Variants in SGCZ observed in about 807,000 individuals in gnomAD.
SGCZ encodes sarcoglycan zeta.
A neutral mutation model predicts 41.3 loss-of-function variants in SGCZ; 40 were observed. That is an observed-to-expected ratio of 0.97 (90% CI 0.75 to 1.26). The LOEUF is 1.26. SGCZ is among the 50% of genes most tolerant of loss of function. The pLI is 0.00. For synonymous variants in SGCZ, 206 were observed against 137.5 expected, an observed-to-expected ratio of 1.50 and a Z score of -3.49; for missense variants, 552 against 369.8, an observed-to-expected ratio of 1.49 and a Z score of -4.04.
intron 1 of SGCZ, among the ~76,000 whole-genome samples, chr8:15,128,372 C>T (rs1047013471): frequency 6.6e-6 from 1 of 152,232 alleles, no homozygotes; most frequent in Non-Finnish European, 1.5e-5. Flanking sequence ...GGAATGAAGT[C>T]TTGTCTCTGA....
intron 2 of SGCZ, among the ~76,000 whole-genome samples, chr8:14,524,353 G>T (rs1383469811): frequency 6.6e-6 from 1 of 151,910 alleles, no homozygotes; most frequent in Non-Finnish European, 1.5e-5. Context: ...CCTGGATTCG[G>T]GTGGGGGAAT....
At chr8:15,155,695 G>C (rs749008597) in intron 1 of SGCZ, among the ~76,000 whole-genome samples, 3 of 152,150 alleles carry the variant, frequency 2.0e-5, no homozygotes, top group Non-Finnish European at 2.9e-5. Flanking sequence ...TGATATAATT[G>C]ATCACCATGC....
chr8:14,805,627 A>G (rs1225712749), intron 1 of SGCZ, among the ~76,000 whole-genome samples: 1 of 145,892 alleles, frequency 6.9e-6, no homozygotes, highest in Non-Finnish European at 1.5e-5. Flanking sequence ...ACACATTAAT[A>G]ATGGGAGACT....
At chr8:14,639,016 T>C (rs1444796646) in intron 1 of SGCZ, among the ~76,000 whole-genome samples, 1 of 148,644 alleles carries the variant, frequency 6.7e-6, no homozygotes, top group East Asian at 2.0e-4. Context: ...TCTTTAGAAA[T>C]AATACACTAA....
chr8:14,519,067 TAAAA>T (rs58653228), intron 2 of SGCZ, among the ~76,000 whole-genome samples: 1 of 113,602 alleles, frequency 8.8e-6, no homozygotes. Context: ...AGACTCTGTC[TAAAA>T]AAAAAAAAAA....
intron 2 of SGCZ, among the ~76,000 whole-genome samples, chr8:14,329,958 T>C (rs1178175096): frequency 6.6e-6 from 1 of 152,154 alleles, no homozygotes; most frequent in East Asian, 1.9e-4. Context: ...GCCATCAAAA[T>C]TTCTTGATCC....
At chr8:14,821,268 T>C (rs1000181664) in intron 1 of SGCZ, among the ~76,000 whole-genome samples, 8 of 151,824 alleles carry the variant, frequency 5.3e-5, no homozygotes, top group African/African-American at 1.9e-4. Context: ...AATTAAATTA[T>C]GAGGAAATAG....
chr8:14,452,726 T>C (rs1047832188), intron 2 of SGCZ, among the ~76,000 whole-genome samples: 5 of 152,040 alleles, frequency 3.3e-5, no homozygotes, highest in African/African-American at 1.2e-4. Context: ...CTTTTTGTGT[T>C]CAAATTTGCT....
chr8:14,312,658 A>AGAGGAGGAGGAAGAGGAG (rs1221329817), intron 3 of SGCZ, among the ~76,000 whole-genome samples: 1 of 151,866 alleles, frequency 6.6e-6, no homozygotes, highest in Non-Finnish European at 1.5e-5. Context: ...AGGAAGAGGA[A>AGAGGAGGAGGAAGAGGAG]GAGGAGGAGG....
At chr8:15,199,927 G>C (rs886295372) in intron 1 of SGCZ, among the ~76,000 whole-genome samples, 1 of 152,104 alleles carries the variant, frequency 6.6e-6, no homozygotes, top group Non-Finnish European at 1.5e-5. Flanking sequence ...GAAAATGTAA[G>C]GGCCAATTAC....
chr8:15,154,084 A>T (rs911852074), intron 1 of SGCZ, among the ~76,000 whole-genome samples: 2 of 146,696 alleles, frequency 1.4e-5, no homozygotes, highest in African/African-American at 4.9e-5. Flanking sequence ...AGGAGGTCAT[A>T]TTCACTCACC....
At chr8:14,776,343 G>T (rs1021980364) in intron 1 of SGCZ, among the ~76,000 whole-genome samples, 3 of 151,848 alleles carry the variant, frequency 2.0e-5, no homozygotes, top group Non-Finnish European at 4.4e-5. Context: ...TTTTATAAAT[G>T]CAAGTTCCCC....
chr8:14,945,150 T>G (rs889488990), intron 1 of SGCZ, among the ~76,000 whole-genome samples: 1 of 71,352 alleles, frequency 1.4e-5, no homozygotes, highest in African/African-American at 5.7e-5. Flanking sequence ...TTAGGCAATG[T>G]TGTGTGTGGG....
intron 1 of SGCZ, among the ~76,000 whole-genome samples, chr8:14,715,977 A>C (rs1184466467): frequency 6.6e-6 from 1 of 152,154 alleles, no homozygotes; most frequent in Admixed American, 6.5e-5. Context: ...AACAATTCTA[A>C]AATTTATGGC....
intron 1 of SGCZ, among the ~76,000 whole-genome samples, chr8:14,795,761 T>C (rs569300024): frequency 4.7e-4 from 71 of 152,164 alleles, no homozygotes; most frequent in Non-Finnish European, 9.0e-4. Flanking sequence ...GTACAGATTA[T>C]TTTATCACCC....
intron 1 of SGCZ, among the ~76,000 whole-genome samples, chr8:15,014,415 G>C (rs1275187004): frequency 6.6e-6 from 1 of 152,154 alleles, no homozygotes; most frequent in Non-Finnish European, 1.5e-5. Context: ...GCTTCATTTT[G>C]CGTGTGTCTT....
chr8:14,954,755 T>C (rs1471455944), intron 1 of SGCZ, among the ~76,000 whole-genome samples: 1 of 152,078 alleles, frequency 6.6e-6, no homozygotes, highest in East Asian at 1.9e-4. Flanking sequence ...TAGGTGAGAC[T>C]CCAAGCAGGT....
chr8:14,308,123 T>C (rs547111315), intron 3 of SGCZ, among the ~76,000 whole-genome samples: 1 of 152,092 alleles, frequency 6.6e-6, no homozygotes, highest in South Asian at 2.1e-4. Context: ...CAAGTTCTTA[T>C]TTATAGGAGA....
intron 3 of SGCZ, among the ~76,000 whole-genome samples, chr8:14,254,740 C>T (rs1799402945): frequency 7.0e-6 from 1 of 143,812 alleles, no homozygotes; most frequent in Admixed American, 6.9e-5. Flanking sequence ...TGAAAGACAT[C>T]GTGTCGTCTT....
Sources: allele counts gnomAD v4.1 joint callset (sites outside exome capture counted in the v4.1 genomes callset), GRCh38; gene constraint gnomAD v4.1.1; transcripts MANE v1.5; gene names NCBI Gene and HGNC (gene_info 2026-07-23, HGNC 2026-07-21).